PRDM1: variants seen among roughly 807,000 people sequenced by gnomAD.
PRDM1 encodes the protein PR/SET domain 1.
A neutral mutation model predicts 62.8 loss-of-function variants in PRDM1; 13 were observed. That is an observed-to-expected ratio of 0.21 (90% CI 0.13 to 0.33). The LOEUF is 0.33. PRDM1 is among the 10% of genes least tolerant of loss of function. The pLI, the probability that PRDM1 is intolerant of heterozygous loss-of-function variation, is 1.00. For missense variants in PRDM1, 895 were observed against 1,058.8 expected (o/e 0.85, Z 2.15); for synonymous variants, 396 against 417.6 (o/e 0.95, Z 0.63).
intron 1 of PRDM1, among the ~76,000 whole-genome samples, chr6:106,031,313 C>T (rs1433792824): frequency 2.6e-5 from 4 of 152,110 alleles, no homozygotes; most frequent in Admixed American, 6.6e-5. Context: ...ATGATAAGTG[C>T]AATGAAGGTA....
chr6:106,064,471 A>C (rs541549360), intron 1 of PRDM1, among the ~76,000 whole-genome samples: 1 of 152,330 alleles, frequency 6.6e-6, no homozygotes, highest in Admixed American at 6.5e-5. Context: ...CAAATGACTC[A>C]AACCTGATGT....
intron 2 of PRDM1, among the ~76,000 whole-genome samples, chr6:106,089,186 G>A (rs1370708731): frequency 6.6e-6 from 1 of 152,186 alleles, no homozygotes; most frequent in Admixed American, 6.5e-5. Context: ...AGCTAGGCGT[G>A]ATGTTTAGCT....
chr6:105,998,801 C>T (rs982272441), intron 1 of PRDM1, among the ~76,000 whole-genome samples: 8 of 151,704 alleles, frequency 5.3e-5, no homozygotes, highest in Admixed American at 5.3e-4. Context: ...AGTTCTGCCT[C>T]TGCCAGGCTG....
intron 1 of PRDM1, among the ~76,000 whole-genome samples, chr6:106,040,648 G>C (rs1476929494): frequency 6.6e-6 from 1 of 152,128 alleles, no homozygotes; most frequent in East Asian, 1.9e-4. Flanking sequence ...TGATCAGAAG[G>C]TTGTCTATTT....
Position 106,106,003 on chromosome 6 carries a change from C to A in PRDM1, c.1773+70C>A. ...TTGTGTTTGTATTTAGCTTGCTTTC[C>A]ATGGGGTATCGATTGCATTTGCAGT... is the stretch of plus-strand genomic sequence containing the variant. On this transcript the variant is annotated intron_variant, in intron 5 of 6. Coordinates refer to ENST00000369096, the MANE Select transcript of PRDM1 (RefSeq NM_001198.4). The surrounding 1 kb of genome is among the most constrained non-coding windows in gnomAD (Gnocchi z 4.4). 6.5e-7 allele frequency: 1 copy of A among 1,539,790 alleles called. No individual in the cohort carries two copies. Among genetic ancestry groups the A allele is most frequent in the South Asian group, 1.3e-5 (1 of 78,532 alleles).
chr6:106,008,418 T>C (rs1772506449), intron 1 of PRDM1, among the ~76,000 whole-genome samples: 1 of 152,156 alleles, frequency 6.6e-6, no homozygotes, highest in Non-Finnish European at 1.5e-5. Context: ...CTCACACTTG[T>C]GGAAATCTTC....
chr6:106,086,708 C>A, intron 1 of PRDM1, 113 bp downstream of exon 1: 1 of 950,752 alleles, frequency 1.1e-6, no homozygotes, highest in Non-Finnish European at 1.6e-6. Context: ...GCAGTAGAAA[C>A]ATGCTTCTGC....
At chr6:106,062,742 C>T (rs1187290387) in intron 1 of PRDM1, among the ~76,000 whole-genome samples, 2 of 152,134 alleles carry the variant, frequency 1.3e-5, no homozygotes, top group African/African-American at 4.8e-5. Flanking sequence ...TGCTGCTCAG[C>T]CTGCAACAGT....
At chr6:106,063,147 C>G (rs1051420491) in intron 1 of PRDM1, among the ~76,000 whole-genome samples, 22 of 152,170 alleles carry the variant, frequency 1.4e-4, no homozygotes, top group African/African-American at 5.1e-4. Flanking sequence ...AACTCAACAC[C>G]TCCTTTCCAG....
chr6:106,070,693 C>G lies in PRDM1; in HGVS notation c.-66-17508C>G, dbSNP rs141382826. Among the ~76,000 whole-genome samples the G allele has an allele frequency of 2.6e-3, 401 of 152,210 alleles. 2 individuals carry two copies. The highest frequency in any genetic ancestry group is 9.1e-3 in the African/African-American group (376 of 41,542). On this transcript the variant is annotated intron_variant, in intron 1 of 6. Transcript: ENST00000651185. ...TAAATATTTAGACATTTAAATTTAACCTAAAATTTCAAGACTTTCCATCTC... is the reference window on the plus strand; with the variant it reads ...TAAATATTTAGACATTTAAATTTAAGCTAAAATTTCAAGACTTTCCATCTC...
At chr6:106,035,412 A>G (rs1406754289) in intron 1 of PRDM1, among the ~76,000 whole-genome samples, 1 of 152,150 alleles carries the variant, frequency 6.6e-6, no homozygotes, top group African/African-American at 2.4e-5. Flanking sequence ...GCTTGAGGCC[A>G]GGAGTTCAAG....
chr6:106,017,728 A>G (rs1772640103), intron 1 of PRDM1, among the ~76,000 whole-genome samples: 2 of 152,012 alleles, frequency 1.3e-5, no homozygotes, highest in Admixed American at 1.3e-4. Flanking sequence ...TCTTTTTCGG[A>G]AAGGGACCCT....
intron 1 of PRDM1, among the ~76,000 whole-genome samples, chr6:106,007,954 C>A (rs1772502133): frequency 6.6e-6 from 1 of 152,208 alleles, no homozygotes; most frequent in Admixed American, 6.5e-5. Flanking sequence ...AATGTTTGTT[C>A]CACGAAAAAT....
intron 1 of PRDM1, among the ~76,000 whole-genome samples, chr6:106,011,409 G>C (rs1034761655): frequency 5.9e-5 from 9 of 152,158 alleles, no homozygotes; most frequent in African/African-American, 1.9e-4. Context: ...GAACTCTTCA[G>C]TCTGTCTCCA....
chr6:106,023,516 C>A (rs1332180657), intron 1 of PRDM1, among the ~76,000 whole-genome samples: 2 of 152,102 alleles, frequency 1.3e-5, no homozygotes, highest in East Asian at 1.9e-4. Flanking sequence ...TAAGTTCTGA[C>A]CAGCCCTCCC....
intron 1 of PRDM1, among the ~76,000 whole-genome samples, chr6:106,056,736 T>C (rs1055463474): frequency 1.3e-5 from 2 of 152,258 alleles, no homozygotes; most frequent in African/African-American, 2.4e-5. Context: ...CATTCTCTCC[T>C]GCATTCAACC....
chr6:106,086,232 G>GC, upstream of PRDM1: 1 of 383,858 alleles, frequency 2.6e-6, no homozygotes, highest in Non-Finnish European at 4.7e-6. Flanking sequence ...CTGGGGGAAA[G>GC]CCCTGGGCTC....
At chr6:106,069,201 A>T (rs757378871) in intron 1 of PRDM1, among the ~76,000 whole-genome samples, 2 of 152,194 alleles carry the variant, frequency 1.3e-5, no homozygotes, top group Non-Finnish European at 2.9e-5. Flanking sequence ...AACTTAAAAC[A>T]CATACAGTTG....
intron 1 of PRDM1, among the ~76,000 whole-genome samples, chr6:106,075,199 C>A (rs1233378190): frequency 6.6e-6 from 1 of 151,972 alleles, no homozygotes; most frequent in East Asian, 1.9e-4. Context: ...TTGAAATTTT[C>A]TCTAAGACTG....
Sources: gnomAD v4.1 joint callset for allele counts (sites outside exome capture counted in the v4.1 genomes callset) on GRCh38, gnomAD v4.1.1 for gene constraint, Gnocchi (gnomAD v3.1) non-coding constraint, MANE v1.5 for transcripts, NCBI Gene and HGNC (gene_info 2026-07-23, HGNC 2026-07-21) for gene names.